The following CBLB variants were observed in gnomAD, a reference collection of about 807,000 sequenced individuals.
The protein encoded by CBLB is E3 ubiquitin-protein ligase CBL-B.
CBLB carries 31 observed loss-of-function variants against 104.9 expected under a neutral mutation model. The ratio of observed to expected loss-of-function variants is 0.30; its 90% confidence interval spans 0.22 to 0.40. The LOEUF is 0.40. CBLB is among the 10% of genes least tolerant of loss of function. CBLB has a pLI of 1.00. For missense variants in CBLB, 1,062 were observed against 1,214.6 expected (o/e 0.87, Z 1.87); for synonymous variants, 440 against 422.6 (o/e 1.04, Z -0.51).
chr3:105,801,120 A>AT (rs1254315830), intron 3 of CBLB, among the ~76,000 whole-genome samples: 5 of 152,118 alleles, frequency 3.3e-5, no homozygotes, highest in Non-Finnish European at 4.4e-5. Flanking sequence ...TGAAAACCAA[A>AT]TTTTTTAGAG....
chr3:105,684,889 T>C (rs921137992), intron 14 of CBLB, among the ~76,000 whole-genome samples: 4 of 152,188 alleles, frequency 2.6e-5, no homozygotes, highest in South Asian at 4.1e-4. Context: ...GGAAGGTAAA[T>C]AGCACTTGAT....
At chr3:105,798,858 T>G (rs2082525869) in intron 3 of CBLB, among the ~76,000 whole-genome samples, 1 of 152,196 alleles carries the variant, frequency 6.6e-6, no homozygotes, top group South Asian at 2.1e-4. Flanking sequence ...GCCTTATATG[T>G]GTGTGAGACA....
intron 16 of CBLB, among the ~76,000 whole-genome samples, chr3:105,679,080 T>A (rs1356089753): frequency 6.6e-6 from 1 of 152,114 alleles, no homozygotes; most frequent in African/African-American, 2.4e-5. Flanking sequence ...TTTAACCTAA[T>A]GTTTCATATA....
In CBLB at chr3:105,737,212, A is replaced by G; in HGVS notation, c.1030T>C (p.Leu344=). ...TGGTCATGAGGTGTAGGTTCACATA[A>G]TCCAGTTAAATCAGGATTATAACTC... ...GRSYNPDLTG[L]CEPTPHDHIK... is the part of the protein sequence containing the mutation. The change falls in exon 8 of 19, where the codon TTA becomes CTA. Residue 344 remains leucine (L), a synonymous_variant. Coordinates refer to ENST00000394030, the MANE Select transcript of CBLB (RefSeq NM_170662.5). 6.3e-7 allele frequency: 1 copy of G among 1,594,018 alleles called. No individual in the cohort carries two copies. Among genetic ancestry groups the G allele is most frequent in the Non-Finnish European group, 8.6e-7 (1 of 1,163,714 alleles).
In CBLB at chr3:105,659,121, T is replaced by A; in HGVS notation, c.2798A>T (p.Asp933Val). The change falls in exon 19 of 19, where the codon GAT becomes GTT. Residue 933 changes from aspartate to valine, a missense_variant. This residue lies in a region of CBLB where 605 missense variants were observed against 582.6 expected (regional missense o/e 1.04). Transcript: ENST00000394030. ...HGPEAALENV[D>V]AKIAKLMGEG... ...TCCCATGAGTTTTGCAATTTTTGCA[T>A]CGACATTTTCCAATGCCGCCTCAGG... 3 of 1,614,034 alleles carry A rather than the reference T, an allele frequency of 1.9e-6. No homozygotes were observed. Among genetic ancestry groups the A allele is most frequent in the Non-Finnish European group, 2.5e-6 (3 of 1,179,944 alleles).
At chr3:105,847,241 T>G (rs538080982) in intron 3 of CBLB, among the ~76,000 whole-genome samples, 3 of 152,212 alleles carry the variant, frequency 2.0e-5, no homozygotes, top group African/African-American at 7.2e-5. Context: ...TGGAGCAGAT[T>G]ACAAATTATT....
intron 17 of CBLB, among the ~76,000 whole-genome samples, chr3:105,675,837 A>G (rs2152710052): frequency 6.9e-6 from 1 of 144,646 alleles, no homozygotes; most frequent in Admixed American, 7.3e-5. Flanking sequence ...GTGAACTGAG[A>G]TCGCACCACT....
chr3:105,837,186 AAC>A, intron 3 of CBLB, among the ~76,000 whole-genome samples: 1 of 152,248 alleles, frequency 6.6e-6, no homozygotes, highest in Non-Finnish European at 1.5e-5. Context: ...AGACTTAAAA[AAC>A]ATTGTGCACG....
At chr3:105,791,117 G>T (rs1212502185) in intron 3 of CBLB, among the ~76,000 whole-genome samples, 1 of 152,182 alleles carries the variant, frequency 6.6e-6, no homozygotes, top group Admixed American at 6.5e-5. Context: ...TTTCTCTGTT[G>T]TAAGATAACA....
At chr3:105,691,235 C>T (rs1311762462) in intron 13 of CBLB, among the ~76,000 whole-genome samples, 1 of 152,196 alleles carries the variant, frequency 6.6e-6, no homozygotes, top group East Asian at 1.9e-4. Context: ...ATTTGTACTG[C>T]TAACTATGGC....
rs181260574 is a variant in CBLB at position 105,796,992 on chromosome 3, G to T, written c.420-20450C>A. 9.5e-4 allele frequency among the ~76,000 whole-genome samples: 145 copies of T among 152,260 alleles called. 1 individual carries two copies. The highest frequency in any genetic ancestry group is 3.1e-3 in the African/African-American group (130 of 41,560). On this transcript the variant is annotated intron_variant, in intron 3 of 18. Coordinates refer to ENST00000394030, the MANE Select transcript of CBLB (RefSeq NM_170662.5). ...GAACACTTATACACTGCTGGTAGGA[G>T]TGTAAATTAGTTCAGCCACTGTGAA...
chr3:105,702,129 G>A lies in CBLB; in HGVS notation c.1924C>T (p.His642Tyr). The A allele has an allele frequency of 3.1e-6, 5 of 1,614,148 alleles. No homozygotes were observed. The highest frequency in any genetic ancestry group is 3.4e-6 in the Non-Finnish European group (4 of 1,180,018). ...TCTAAAGGCAAATCATGGCGTCTGT[G>A]TTTCCGCATAAGCACTGGGTCAGAG... ...VGSDPVLMRK[H>Y]RRHDLPLEGA... Residue 642 changes from histidine (H) to tyrosine (Y), a missense_variant, in exon 12 of 19, where the codon CAC becomes TAC. His to Tyr is a moderately conservative substitution (Grantham distance 83). Coordinates refer to ENST00000394030, the MANE Select transcript of CBLB (RefSeq NM_170662.5).
rs1245411808 is a variant in CBLB at position 105,680,287 on chromosome 3, C to T, written c.2428+1192G>A. ...GAAAAAAATGACACGCATAAGAAGA[C>T]CTAGAAAAAGGTCAAGGTAAAAAGA... On this transcript the variant is annotated intron_variant, in intron 16 of 18. Coordinates refer to ENST00000394030, the MANE Select transcript of CBLB (RefSeq NM_170662.5). Among the ~76,000 whole-genome samples, 8 of 151,918 alleles carry T rather than the reference C, an allele frequency of 5.3e-5. No individual in the cohort carries two copies. In the East Asian group the frequency reaches 1.2e-3, roughly 22 times the overall value.
chr3:105,704,254 G>T, intron 10 of CBLB, 81 bp from the exon 11 acceptor site: 1 of 1,341,298 alleles, frequency 7.5e-7, no homozygotes, highest in Non-Finnish European at 1.1e-6. Flanking sequence ...TATTTGGTTG[G>T]AAGAAGGTTT....
At chr3:105,782,090 T>C (rs1028152875) in intron 3 of CBLB, among the ~76,000 whole-genome samples, 4 of 152,302 alleles carry the variant, frequency 2.6e-5, no homozygotes, top group East Asian at 1.9e-4. Flanking sequence ...ACTAGGCTGA[T>C]GTAAGCCTTG....
intron 13 of CBLB, among the ~76,000 whole-genome samples, chr3:105,690,561 C>T (rs1049078007): frequency 6.6e-6 from 1 of 152,174 alleles, no homozygotes; most frequent in Non-Finnish European, 1.5e-5. Context: ...TGGTGGCTCA[C>T]GCCTGTAATC....
At chr3:105,716,396 A>C (rs1406943763) in intron 10 of CBLB, among the ~76,000 whole-genome samples, 1 of 152,168 alleles carries the variant, frequency 6.6e-6, no homozygotes, top group Non-Finnish European at 1.5e-5. Context: ...GGTGCCTGGG[A>C]ACACAAATAC....
chr3:105,866,446 G>A (rs1297050673), intron 2 of CBLB, among the ~76,000 whole-genome samples: 2 of 152,156 alleles, frequency 1.3e-5, no homozygotes, highest in East Asian at 3.8e-4. Context: ...AAGATACTGA[G>A]TCTTGCCTCA....
At position 105,657,686 on chromosome 3, in the gene CBLB, GAACC is replaced by G. The variant is rs200719340; in HGVS notation, c.*1280_*1283del. On this transcript the variant is annotated 3_prime_UTR_variant, in exon 19 of 19. Transcript: ENST00000394030. ...TAAGAGTAATAACATGGTGTTTAAA[GAACC>G]AACCACCATTTTGTAAAATAGGCAA... 1.6e-3 allele frequency: 331 copies of G among 205,370 alleles called. 2 individuals are homozygous for G. In the East Asian group the frequency reaches 0.021, roughly 13 times the overall value. The allele number at this position is 205,370 out of a possible 1,614,324, so 12.7% of individuals were successfully genotyped here. A position where few individuals can be genotyped will look rare whatever the true frequency, so the allele number is the denominator to read the frequency against.
Sources: gnomAD v4.1 joint callset for allele counts (sites outside exome capture counted in the v4.1 genomes callset) on GRCh38, gnomAD v4.1.1 for gene constraint, gnomAD v4.1.1 regional missense constraint, MANE v1.5 for transcripts, NCBI Gene and HGNC (gene_info 2026-07-23, HGNC 2026-07-21) for gene names.